The following MKLN1 variants were observed in gnomAD, a reference collection of about 807,000 sequenced individuals.
MKLN1 encodes the protein muskelin.
In MKLN1, 18 loss-of-function variants were observed where a neutral mutation model predicts 99.0. The ratio of observed to expected loss-of-function variants is 0.18; its 90% CI spans 0.13 to 0.27. The LOEUF is 0.27. MKLN1 is among the 10% of genes least tolerant of loss of function. The pLI is 1.00. For synonymous variants in MKLN1, 288 were observed against 293.2 expected (o/e 0.98, Z 0.18); for missense variants, 621 against 875.9 (o/e 0.71, Z 3.67).
intron 12 of MKLN1, among the ~76,000 whole-genome samples, chr7:131,461,428 T>C (rs1033938934): frequency 6.6e-6 from 1 of 152,030 alleles, no homozygotes; most frequent in African/African-American, 2.4e-5. Context: ...ATATAAATAT[T>C]GTGTATGTAT....
At chr7:131,384,686 T>C (rs1793956147) in intron 2 of MKLN1, among the ~76,000 whole-genome samples, 1 of 152,218 alleles carries the variant, frequency 6.6e-6, no homozygotes, top group East Asian at 1.9e-4. Flanking sequence ...TGTAACTATA[T>C]TTCTTCATCT....
rs117866340 is a variant in MKLN1, at chr7:131,260,453, A to G, written c.-179+57479A>G. Among the ~76,000 whole-genome samples, 135 of 152,340 alleles carry G rather than the reference A, an allele frequency of 8.9e-4. 2 individuals carry two copies. In the East Asian group the frequency reaches 0.018, roughly 20 times the overall value. On this transcript the variant is annotated intron_variant, in intron 3 of 7. Transcript: ENST00000416992. ...ATGACTACAATGAGAATTATAAAACACTGATCAAAGAAGTCAGAGATGACA... is the reference window on the plus strand; with the variant it reads ...ATGACTACAATGAGAATTATAAAACGCTGATCAAAGAAGTCAGAGATGACA...
chr7:131,390,481 C>T lies in MKLN1; in HGVS notation c.400+1509C>T, dbSNP rs188876953. Among the ~76,000 whole-genome samples the T allele has an allele frequency of 3.2e-3, 489 of 152,012 alleles. 5 individuals are homozygous for T. The highest frequency in any genetic ancestry group is 3.0e-3 in the Non-Finnish European group (206 of 67,962). ...TTTTCCAGCCCTGTCAGCCTTTTTT[C>T]CCCTTTCTTTTCTTTTTTGCTGAGT... On this transcript the variant is annotated intron_variant, in intron 4 of 17. Coordinates refer to ENST00000352689, the MANE Select transcript of MKLN1 (RefSeq NM_013255.5).
chr7:131,383,518 G>A (rs1275084347), intron 2 of MKLN1, among the ~76,000 whole-genome samples: 3 of 152,170 alleles, frequency 2.0e-5, no homozygotes, highest in African/African-American at 7.2e-5. Context: ...AAGCTGTCTA[G>A]CAAACCCACA....
chr7:131,348,419 A>G (rs1187111734), intron 1 of MKLN1, among the ~76,000 whole-genome samples: 2 of 152,224 alleles, frequency 1.3e-5, no homozygotes, highest in Non-Finnish European at 2.9e-5. Flanking sequence ...CAAAGCTAAC[A>G]CAAAACAAGG....
intron 7 of MKLN1, 85 bp from the exon 8 acceptor site, chr7:131,414,560 A>T: frequency 1.1e-6 from 1 of 881,414 alleles, no homozygotes. Context: ...TATTTTTACT[A>T]CTGATTACAG....
intron 1 of MKLN1, among the ~76,000 whole-genome samples, chr7:131,138,306 TACACCTTAATAA>T (rs1412127869): frequency 6.6e-6 from 1 of 152,228 alleles, no homozygotes; most frequent in African/African-American, 2.4e-5. Flanking sequence ...GAGCACAAGG[TACACCTTAATAA>T]ATATGTTTAT....
At chr7:131,249,402 C>G (rs184627308) in intron 3 of MKLN1, among the ~76,000 whole-genome samples, 3 of 152,246 alleles carry the variant, frequency 2.0e-5, no homozygotes, top group African/African-American at 7.2e-5. Flanking sequence ...TGATTGGCAC[C>G]CAACAAAAGA....
intron 1 of MKLN1, among the ~76,000 whole-genome samples, chr7:131,110,572 G>A (rs1191805709): frequency 6.6e-6 from 1 of 152,140 alleles, no homozygotes; most frequent in Non-Finnish European, 1.5e-5. Flanking sequence ...CGCTTTCTGG[G>A]TTGTCTTGTT....
At chr7:131,361,535 C>T (rs1800027473) in intron 1 of MKLN1, among the ~76,000 whole-genome samples, 1 of 150,890 alleles carries the variant, frequency 6.6e-6, no homozygotes, top group African/African-American at 2.4e-5. Flanking sequence ...TCTTTTCACA[C>T]TGTTTTTTCT....
intron 3 of MKLN1, among the ~76,000 whole-genome samples, chr7:131,300,511 T>C (rs1339930283): frequency 9.5e-6 from 1 of 105,344 alleles, no homozygotes; most frequent in African/African-American, 3.8e-5. Context: ...CAAAACACTG[T>C]CTCTAGTTAA....
At chr7:131,197,187 A>G (rs111259919) in intron 2 of MKLN1, among the ~76,000 whole-genome samples, 2 of 152,182 alleles carry the variant, frequency 1.3e-5, no homozygotes, top group African/African-American at 2.4e-5. Flanking sequence ...ACTTCAGAGC[A>G]CAGGCTTGAT....
At chr7:131,329,623 T>C (rs1799010431) in intron 1 of MKLN1, among the ~76,000 whole-genome samples, 1 of 152,212 alleles carries the variant, frequency 6.6e-6, no homozygotes, top group South Asian at 2.1e-4. Flanking sequence ...TTCCAGGACG[T>C]CACTCCTTAA....
chr7:131,429,295 A>C, intron 9 of MKLN1, 150 bp downstream of exon 9: 1 of 530,800 alleles, frequency 1.9e-6, no homozygotes, highest in South Asian at 3.4e-5. Context: ...GTACTCTTGA[A>C]TTTCAGCTTC....
At chr7:131,413,638 C>A (rs1246542893) in intron 7 of MKLN1, among the ~76,000 whole-genome samples, 1 of 151,950 alleles carries the variant, frequency 6.6e-6, no homozygotes, top group Non-Finnish European at 1.5e-5. Context: ...CTCCTGAGTT[C>A]AAGTGATTCT....
chr7:131,188,628 C>A (rs547854024), intron 2 of MKLN1, among the ~76,000 whole-genome samples: 17 of 152,332 alleles, frequency 1.1e-4, no homozygotes, highest in African/African-American at 3.8e-4. Flanking sequence ...CAATTACATT[C>A]TAGTGGCCAA....
At chr7:131,326,234 T>C (rs887944032), upstream of MKLN1, among the ~76,000 whole-genome samples, 2 of 152,170 alleles carry the variant, frequency 1.3e-5, no homozygotes, top group East Asian at 3.8e-4. Flanking sequence ...TTTCCCACTG[T>C]CTCTGGCAGC....
chr7:131,444,762 G>GT lies in MKLN1; in HGVS notation c.1396-1012_1396-1011insT, dbSNP rs1380372238. ...AGTAGTAGTAGTAGTAGTAGTAGAA[G>GT]AAGTAGTAGTAGTAGTAGTAGTAGT... On this transcript the variant is annotated intron_variant, in intron 11 of 17. Transcript: ENST00000352689. 1.2e-3 allele frequency among the ~76,000 whole-genome samples: 120 copies of GT among 102,528 alleles called. No individual in the cohort carries two copies. In the Middle Eastern group the frequency reaches 0.016, roughly 13 times the overall value. The allele number at this position is 102,528 out of a possible 152,430, so 67.3% of individuals were successfully genotyped here. A position where few individuals can be genotyped will look rare whatever the true frequency, so the allele number is the denominator to read the frequency against.
At chr7:131,308,393 C>G (rs1422991676) in intron 3 of MKLN1, among the ~76,000 whole-genome samples, 1 of 151,652 alleles carries the variant, frequency 6.6e-6, no homozygotes, top group African/African-American at 2.4e-5. Flanking sequence ...TCCCAAGTGG[C>G]TGGGATTACA....
Sources: gnomAD v4.1 joint callset for allele counts (sites outside exome capture counted in the v4.1 genomes callset) on GRCh38, gnomAD v4.1.1 for gene constraint, MANE v1.5 for transcripts, NCBI Gene and HGNC (gene_info 2026-07-23, HGNC 2026-07-21) for gene names.